FHIT: variants seen among roughly 807,000 people sequenced by gnomAD.
The protein encoded by FHIT is fragile histidine triad diadenosine triphosphatase, also known as bis(5'-adenosyl)-triphosphatase.
In FHIT, 19 loss-of-function variants were observed where a neutral mutation model predicts 17.9. That is an observed-to-expected ratio of 1.06 (90% CI 0.74 to 1.56). The LOEUF (loss-of-function observed/expected upper bound fraction) is 1.56. Ranked by LOEUF, FHIT falls within the 40% of genes most tolerant of loss-of-function variation. The probability of loss-of-function intolerance (pLI) is 0.00; values close to 1 mark genes in which losing one functional copy is unlikely to be tolerated. For missense variants in FHIT, 248 were observed against 189.2 expected, an observed-to-expected ratio of 1.31 and a Z score of -1.82; for synonymous variants, 81 against 69.7, an observed-to-expected ratio of 1.16 and a Z score of -0.81.
intron 2 of FHIT, among the ~76,000 whole-genome samples, chr3:61,144,206 G>C (rs774361580): frequency 1.3e-5 from 2 of 152,010 alleles, no homozygotes; most frequent in African/African-American, 4.8e-5. Flanking sequence ...CAATTTCCCC[G>C]CTACCCCTGC....
chr3:60,943,547 T>C (rs1380310875), intron 3 of FHIT, among the ~76,000 whole-genome samples: 13 of 152,172 alleles, frequency 8.5e-5, no homozygotes, highest in Admixed American at 8.5e-4. Flanking sequence ...GTATAGCTGT[T>C]CTCTCTATCC....
chr3:60,317,565 A>G (rs1253209207), intron 5 of FHIT, among the ~76,000 whole-genome samples: 1 of 147,928 alleles, frequency 6.8e-6, no homozygotes, highest in Non-Finnish European at 1.5e-5. Context: ...TACATATATC[A>G]TTATATATAA....
At chr3:59,905,467 G>A (rs771821098) in intron 8 of FHIT, among the ~76,000 whole-genome samples, 6 of 152,172 alleles carry the variant, frequency 3.9e-5, no homozygotes, top group Non-Finnish European at 8.8e-5. Flanking sequence ...CCTTGAATTC[G>A]TATGTCTGTA....
Position 60,014,086 on chromosome 3 carries a change from T to C in FHIT, c.170A>G (p.Asp57Gly), listed in dbSNP as rs1009534067. The change falls in exon 6 of 10, where the codon GAT (aspartate) becomes GGT (glycine). Residue 57 changes from aspartate (D) to glycine (G), a missense_variant. Asp to Gly is a moderately conservative substitution (Grantham distance 94). Transcript: ENST00000492590. ...GACTCTCTGGGTCGTCTGAAACAAA[T>C]CGGCCACTTCATCAGGACGCAGGTC... Reference protein sequence around the residue: ...FHDLRPDEVADLFQTTQRVGT... With the variant: ...FHDLRPDEVAGLFQTTQRVGT... 6.2e-7 allele frequency: 1 copy of C among 1,613,876 alleles called. No individual in the cohort carries two copies. Among genetic ancestry groups the C allele is most frequent in the African/African-American group, 1.3e-5 (1 of 74,886 alleles).
chr3:60,216,574 T>C (rs550544143), intron 5 of FHIT, among the ~76,000 whole-genome samples: 2 of 152,322 alleles, frequency 1.3e-5, no homozygotes, highest in South Asian at 2.1e-4. Flanking sequence ...TTCATTTTAC[T>C]GTCTACCTAA....
At chr3:61,064,465 G>A (rs1317299577) in intron 2 of FHIT, among the ~76,000 whole-genome samples, 1 of 152,072 alleles carries the variant, frequency 6.6e-6, no homozygotes, top group Non-Finnish European at 1.5e-5. Flanking sequence ...TTAATTTGAG[G>A]TTTCTTATAT....
chr3:60,575,741 T>C (rs1553657358), intron 4 of FHIT, among the ~76,000 whole-genome samples: 1 of 152,146 alleles, frequency 6.6e-6, no homozygotes, highest in African/African-American at 2.4e-5. Context: ...AGGTTGTTTG[T>C]TCATCAGAAA....
intron 4 of FHIT, among the ~76,000 whole-genome samples, chr3:60,624,377 A>G (rs1576991143): frequency 6.6e-6 from 1 of 152,358 alleles, no homozygotes; most frequent in East Asian, 1.9e-4. Flanking sequence ...AAGTTTAGAA[A>G]AATCCCTACA....
chr3:60,957,441 G>A (rs6805904), intron 3 of FHIT, among the ~76,000 whole-genome samples: 47,666 of 151,700 alleles, frequency 0.31, 7,715 homozygotes, highest in Middle Eastern at 0.45. Context: ...GTTTCACCGT[G>A]TTAGCCACGA....
intron 4 of FHIT, among the ~76,000 whole-genome samples, chr3:60,702,780 T>G (rs1296405761): frequency 6.6e-6 from 1 of 152,186 alleles, no homozygotes; most frequent in Admixed American, 6.5e-5. Flanking sequence ...AATATTCCTG[T>G]GTATTCTTCC....
At chr3:60,576,813 G>A (rs556728489) in intron 4 of FHIT, among the ~76,000 whole-genome samples, 2 of 152,144 alleles carry the variant, frequency 1.3e-5, no homozygotes, top group East Asian at 1.9e-4. Context: ...AGACAGGGTG[G>A]TGGATGAAAA....
At chr3:61,063,497 C>T (rs1353852475) in intron 2 of FHIT, among the ~76,000 whole-genome samples, 1 of 152,026 alleles carries the variant, frequency 6.6e-6, no homozygotes, top group Non-Finnish European at 1.5e-5. Flanking sequence ...GCAAAACAAT[C>T]CCAAGTATGG....
chr3:60,412,378 A>C (rs1484962010), intron 5 of FHIT, among the ~76,000 whole-genome samples: 1 of 152,108 alleles, frequency 6.6e-6, no homozygotes, highest in African/African-American at 2.4e-5. Flanking sequence ...TAAATAAATA[A>C]GACCAGTTTC....
intron 2 of FHIT, among the ~76,000 whole-genome samples, chr3:61,101,168 T>A: frequency 6.6e-6 from 1 of 152,224 alleles, no homozygotes; most frequent in Non-Finnish European, 1.5e-5. Context: ...CGCCTAGGTT[T>A]TCTTCTAGGG....
At chr3:60,356,807 C>T (rs1429774388) in intron 5 of FHIT, among the ~76,000 whole-genome samples, 6 of 110,446 alleles carry the variant, frequency 5.4e-5, no homozygotes, top group African/African-American at 1.1e-4. Context: ...TTGTATGAAT[C>T]AGAAACTTGG....
At position 60,497,558 on chromosome 3, in the gene FHIT, C is replaced by T. The variant is rs79251359; in HGVS notation, c.103+39302G>A. Among the ~76,000 whole-genome samples, 60 of 152,170 alleles carry T rather than the reference C, an allele frequency of 3.9e-4. 1 individual carries two copies. In the East Asian group the frequency reaches 0.01, roughly 26 times the overall value. On this transcript the variant is annotated intron_variant, in intron 5 of 9. Transcript: ENST00000492590. ...CAATATTCTCACACTCACGATCAAA[C>T]GTATTTGCACTTTTTTTCAGTGTTT...
intron 4 of FHIT, among the ~76,000 whole-genome samples, chr3:60,646,344 G>C (rs2039856693): frequency 6.6e-6 from 1 of 152,028 alleles, no homozygotes; most frequent in East Asian, 1.9e-4. Context: ...ATTAAATCTG[G>C]TTAATTCTGC....
At chr3:60,841,411 A>C (rs1641285054) in intron 3 of FHIT, among the ~76,000 whole-genome samples, 1 of 152,368 alleles carries the variant, frequency 6.6e-6, no homozygotes, top group East Asian at 1.9e-4. Context: ...AATCATCTGT[A>C]GACTATGTGG....
intron 8 of FHIT, among the ~76,000 whole-genome samples, chr3:59,913,796 A>C (rs949390595): frequency 4.6e-5 from 7 of 152,212 alleles, no homozygotes; most frequent in African/African-American, 1.7e-4. Context: ...CTGAGATTTA[A>C]ATAGCAAGTT....
Sources: allele counts gnomAD v4.1 joint callset (sites outside exome capture counted in the v4.1 genomes callset), GRCh38; gene constraint gnomAD v4.1.1; transcripts MANE v1.5; gene names NCBI Gene and HGNC (gene_info 2026-07-23, HGNC 2026-07-21).